PCDH15: variants seen among roughly 807,000 people sequenced by gnomAD.
The protein encoded by PCDH15 is protocadherin related 15.
Under a neutral mutation model 178.5 loss-of-function variants are expected in PCDH15, and 129 were observed. The ratio of observed to expected loss-of-function variants is 0.72; its 90% CI spans 0.63 to 0.84. The LOEUF is 0.84. Among genes scored for constraint, PCDH15 ranks in the 40% least tolerant of loss-of-function variants. The pLI is 0.00. For synonymous variants in PCDH15, 800 were observed against 732.0 expected, an observed-to-expected ratio of 1.09 and a Z score of -1.50; for missense variants, 2,230 against 2,099.9, an observed-to-expected ratio of 1.06 and a Z score of -1.21.
chr10:55,604,405 G>C (rs1454029449), intron 2 of PCDH15, among the ~76,000 whole-genome samples: 1 of 151,610 alleles, frequency 6.6e-6, no homozygotes. Context: ...CTAATAGACA[G>C]CTACAGAACT....
At position 54,062,649 on chromosome 10, in the gene PCDH15, C is replaced by A. The variant is rs80227323; in HGVS notation, c.2220+4108G>T. ...TATTGCCTAAAGACCAGGCTAAGGT[C>A]CATATTTCAATTTTAAAAACTGAAA... On this transcript the variant is annotated intron_variant, in intron 18 of 37. Transcript: ENST00000644397. 8.0e-3 allele frequency among the ~76,000 whole-genome samples: 1,217 copies of A among 152,014 alleles called. 15 individuals are homozygous for A. The highest frequency in any genetic ancestry group is 0.028 in the African/African-American group (1,144 of 41,456).
intron 21 of PCDH15, among the ~76,000 whole-genome samples, chr10:53,986,454 A>C (rs370310852): frequency 6.6e-6 from 1 of 152,248 alleles, no homozygotes; most frequent in African/African-American, 2.4e-5. Flanking sequence ...CATATGATCC[A>C]GTAGTTCCAC....
chr10:54,176,471 G>A (rs984299898), intron 13 of PCDH15, among the ~76,000 whole-genome samples: 1 of 152,112 alleles, frequency 6.6e-6, no homozygotes, highest in Non-Finnish European at 1.5e-5. Context: ...CAACCTGAGA[G>A]AGCTCTCAAT....
At chr10:55,376,046 G>A (rs1376350857) in intron 2 of PCDH15, among the ~76,000 whole-genome samples, 1 of 151,284 alleles carries the variant, frequency 6.6e-6, no homozygotes, top group African/African-American at 2.4e-5. Flanking sequence ...TTTTATAAGT[G>A]CTTATATTCC....
chr10:54,621,735 T>C (rs2134440948), intron 2 of PCDH15, among the ~76,000 whole-genome samples: 1 of 152,120 alleles, frequency 6.6e-6, no homozygotes, highest in Non-Finnish European at 1.5e-5. Flanking sequence ...CATCCTCCTT[T>C]AGCTAGAATC....
chr10:55,175,342 T>G (rs1471984605), intron 1 of PCDH15, among the ~76,000 whole-genome samples: 1 of 152,158 alleles, frequency 6.6e-6, no homozygotes, highest in Non-Finnish European at 1.5e-5. Flanking sequence ...AAGGTACAAC[T>G]AATCCTAAAG....
intron 2 of PCDH15, among the ~76,000 whole-genome samples, chr10:55,118,777 G>A (rs1247416621): frequency 6.6e-6 from 1 of 152,216 alleles, no homozygotes; most frequent in East Asian, 1.9e-4. Flanking sequence ...GAAAGAATCT[G>A]TTGTGAACTT....
intron 2 of PCDH15, among the ~76,000 whole-genome samples, chr10:54,656,801 C>A (rs780392541): frequency 5.3e-5 from 8 of 152,124 alleles, no homozygotes; most frequent in African/African-American, 1.9e-4. Context: ...TAGTGTGACA[C>A]AGATCACTGA....
intron 2 of PCDH15, among the ~76,000 whole-genome samples, chr10:55,029,317 C>T (rs1009495889): frequency 6.6e-6 from 1 of 151,764 alleles, no homozygotes; most frequent in Non-Finnish European, 1.5e-5. Flanking sequence ...GTATAATATA[C>T]ATATATATAT....
At chr10:54,104,564 G>A (rs982261134) in intron 15 of PCDH15, among the ~76,000 whole-genome samples, 27 of 152,128 alleles carry the variant, frequency 1.8e-4, no homozygotes, top group African/African-American at 4.8e-4. Flanking sequence ...TCAGCCGGGC[G>A]CGGTAGCTCA....
chr10:54,842,093 C>T (rs1164409625), intron 3 of PCDH15, among the ~76,000 whole-genome samples: 2 of 151,692 alleles, frequency 1.3e-5, no homozygotes, highest in African/African-American at 4.8e-5. Context: ...GACTTATTCT[C>T]TTATGTAACT....
intron 2 of PCDH15, among the ~76,000 whole-genome samples, chr10:55,139,980 T>C (rs1838302933): frequency 6.6e-6 from 1 of 152,062 alleles, no homozygotes; most frequent in Non-Finnish European, 1.5e-5. Flanking sequence ...AGTAATCCTG[T>C]ATATGTTTTG....
At chr10:54,972,710 G>T (rs568728780) in intron 2 of PCDH15, among the ~76,000 whole-genome samples, 84 of 151,238 alleles carry the variant, frequency 5.6e-4, no homozygotes, top group African/African-American at 1.7e-3. Context: ...TTAGCCAGGC[G>T]TGGTGGCACG....
chr10:53,822,893 G>T (rs2076394112), intron 32 of PCDH15: 2 of 1,613,968 alleles, frequency 1.2e-6, no homozygotes, highest in Non-Finnish European at 1.7e-6. Flanking sequence ...AGATTCCAGT[G>T]TTTTCATTTT....
intron 15 of PCDH15, among the ~76,000 whole-genome samples, chr10:54,099,924 G>A (rs892249649): frequency 2.0e-5 from 3 of 151,974 alleles, no homozygotes; most frequent in African/African-American, 7.3e-5. Context: ...GCCACCTAGG[G>A]TCTAGGGAAC....
chr10:54,481,646 G>A (rs2078723681), intron 3 of PCDH15, among the ~76,000 whole-genome samples: 1 of 151,698 alleles, frequency 6.6e-6, no homozygotes, highest in African/African-American at 2.4e-5. Flanking sequence ...TGGAAAGATA[G>A]ACTTTTATAT....
intron 2 of PCDH15, among the ~76,000 whole-genome samples, chr10:54,643,139 G>C (rs910840168): frequency 1.3e-5 from 2 of 152,070 alleles, no homozygotes; most frequent in Non-Finnish European, 2.9e-5. Context: ...TGGCCAGGCT[G>C]GTCTCAAACT....
chr10:54,883,204 T>C lies in PCDH15; in HGVS notation c.-29+14246A>G, dbSNP rs182238479. On this transcript the variant is annotated intron_variant, in intron 3 of 5. Transcript: ENST00000458638. Reference sequence around the variant, plus strand: ...TTTATTCTGGCTTATATTCAAAAACTAAACTATTGCCCTAAAAAGCAGTTA... The same window carrying C: ...TTTATTCTGGCTTATATTCAAAAACCAAACTATTGCCCTAAAAAGCAGTTA... Among the ~76,000 whole-genome samples the C allele has an allele frequency of 6.6e-5, 10 of 152,122 alleles. No individual in the cohort carries two copies. The East Asian group carries it at 1.7e-3, about 26-fold the overall frequency.
chr10:55,607,226 A>C (rs1165029311), intron 2 of PCDH15, among the ~76,000 whole-genome samples: 2 of 151,800 alleles, frequency 1.3e-5, no homozygotes. Context: ...TAGAATGGCA[A>C]TCATTAAAAA....
Sources: allele counts gnomAD v4.1 joint callset (sites outside exome capture counted in the v4.1 genomes callset), GRCh38; gene constraint gnomAD v4.1.1; transcripts MANE v1.5; gene names NCBI Gene and HGNC (gene_info 2026-07-23, HGNC 2026-07-21).